NGLY1: variants seen among roughly 807,000 people sequenced by gnomAD.
The protein encoded by NGLY1 is N-glycanase 1, also known as peptide-N(4)-(N-acetyl-beta-glucosaminyl)asparagine amidase.
NGLY1 carries 68 observed loss-of-function variants against 84.6 expected under a neutral mutation model. The ratio of observed to expected loss-of-function variants is 0.80; its 90% CI spans 0.66 to 0.98. The LOEUF (loss-of-function observed/expected upper bound fraction) is 0.98. Ranked by LOEUF, NGLY1 falls within the 50% of genes least tolerant of loss-of-function variation. NGLY1 has a pLI of 0.00. For synonymous variants in NGLY1, 280 were observed against 275.2 expected, an observed-to-expected ratio of 1.02 and a Z score of -0.17; for missense variants, 779 against 770.2, an observed-to-expected ratio of 1.01 and a Z score of -0.14.
rs1575633667 is a variant in NGLY1, at chr3:25,750,022, T to C, written c.658+1076A>G. On this transcript the variant is annotated intron_variant, in intron 4 of 11. Coordinates refer to ENST00000280700, the MANE Select transcript of NGLY1 (RefSeq NM_018297.4). ...CCAGTTTGTTCTTATGCTGCTATGATGAAATACCTGCAACTGGGTAATTTA... is the reference window on the plus strand; with the variant it reads ...CCAGTTTGTTCTTATGCTGCTATGACGAAATACCTGCAACTGGGTAATTTA... The C allele has an allele frequency of 5.8e-5, 30 of 513,432 alleles. No individual in the cohort carries two copies. The East Asian group carries it at 1.0e-3, about 17-fold the overall frequency. The allele number at this position is 513,432 out of a possible 1,614,324, so 31.8% of individuals were successfully genotyped here.
At chr3:25,746,860 C>T (rs933798429) in intron 4 of NGLY1, among the ~76,000 whole-genome samples, 2 of 152,104 alleles carry the variant, frequency 1.3e-5, no homozygotes, top group Middle Eastern at 3.2e-3. Flanking sequence ...GACGGAGTTT[C>T]GCTCTTTTGC....
intron 3 of NGLY1, chr3:25,755,511 C>A (rs753269262): frequency 6.9e-7 from 1 of 1,454,994 alleles, no homozygotes; most frequent in South Asian, 1.1e-5. Flanking sequence ...ACCTGTCAAA[C>A]CAGTTCCTGC....
chr3:25,782,981 C>T (rs1708488410), intron 1 of NGLY1: 1 of 385,720 alleles, frequency 2.6e-6, no homozygotes, highest in Non-Finnish European at 4.7e-6. Context: ...CGCCCGGCCC[C>T]GCTTCCGGGA....
intron 5 of NGLY1, among the ~76,000 whole-genome samples, chr3:25,738,638 T>C (rs78889262): frequency 6.6e-6 from 1 of 152,186 alleles, no homozygotes; most frequent in Non-Finnish European, 1.5e-5. Context: ...TTTTTTTTTT[T>C]TGAGACAAAG....
chr3:25,769,388 A>T (rs1048749669), intron 2 of NGLY1, among the ~76,000 whole-genome samples: 1 of 152,174 alleles, frequency 6.6e-6, no homozygotes, highest in East Asian at 1.9e-4. Flanking sequence ...AATAAAAATG[A>T]GCAAAAGATC....
At chr3:25,737,510 TTTACA>T (rs1288506961) in intron 5 of NGLY1, 55 bp from the exon 6 acceptor site, 8 of 1,435,358 alleles carry the variant, frequency 5.6e-6, no homozygotes, top group Non-Finnish European at 7.6e-6. Flanking sequence ...TTTAAGAGAA[TTTACA>T]TTACCTCTAT....
At chr3:25,775,660 G>A (rs560198733) in intron 2 of NGLY1, among the ~76,000 whole-genome samples, 1 of 152,236 alleles carries the variant, frequency 6.6e-6, no homozygotes, top group South Asian at 2.1e-4. Context: ...AAAAAATAAA[G>A]AAGAGTGGAA....
intron 10 of NGLY1, among the ~76,000 whole-genome samples, chr3:25,725,304 G>A (rs1456036676): frequency 2.0e-5 from 3 of 152,204 alleles, no homozygotes; most frequent in Admixed American, 6.5e-5. Flanking sequence ...GGTTCCTGGA[G>A]GGTGGCACAC....
chr3:25,719,683 A>G, intron 11 of NGLY1, 48 bp from the exon 12 acceptor site: 1 of 1,474,264 alleles, frequency 6.8e-7, no homozygotes, highest in Non-Finnish European at 9.4e-7. Flanking sequence ...GGTAATTTAA[A>G]GAGCACAGAT....
chr3:25,753,724 A>C (rs1288316831), intron 3 of NGLY1, among the ~76,000 whole-genome samples: 1 of 152,176 alleles, frequency 6.6e-6, no homozygotes, highest in Non-Finnish European at 1.5e-5. Context: ...TTATAGAAAA[A>C]AAACTTCATC....
chr3:25,760,517 A>G (rs1707257745), intron 3 of NGLY1, among the ~76,000 whole-genome samples: 1 of 152,186 alleles, frequency 6.6e-6, no homozygotes, highest in African/African-American at 2.4e-5. Flanking sequence ...TTCATGAAAA[A>G]GAAAGTGGAT....
chr3:25,729,396 T>C (rs1705425980), intron 9 of NGLY1, 78 bp from the exon 10 acceptor site: 2 of 896,958 alleles, frequency 2.2e-6, no homozygotes, highest in Non-Finnish European at 1.5e-6. Context: ...CTAAGCAGAG[T>C]GGTAAGAGAA....
intron 10 of NGLY1, among the ~76,000 whole-genome samples, chr3:25,726,007 T>G (rs1210554463): frequency 6.6e-6 from 1 of 152,198 alleles, no homozygotes; most frequent in Non-Finnish European, 1.5e-5. Context: ...AGCACAATAT[T>G]TGACAATGTG....
chr3:25,720,091 G>T lies in NGLY1; in HGVS notation c.1712C>A (p.Thr571Lys), dbSNP rs763300543. ...TCCAGTCTGAAAAGTTTGACTACTT[G>T]TTCTAATAGAAATGCTATCTACTTT... Reference protein sequence around the residue: ...GLKVDSISIRTSSQTFQTGTV... With the variant: ...GLKVDSISIRKSSQTFQTGTV... Residue 571 changes from threonine to lysine, a missense_variant, in exon 11 of 12, where the codon ACA becomes AAA. Physicochemically the swap from Thr to Lys is moderately conservative, Grantham distance 78 (BLOSUM62 -1). Coordinates refer to ENST00000280700, the MANE Select transcript of NGLY1 (RefSeq NM_018297.4). 6.2e-7 allele frequency: 1 copy of T among 1,613,624 alleles called. No homozygotes were observed. The highest frequency in any genetic ancestry group is 8.5e-7 in the Non-Finnish European group (1 of 1,179,716).
At chr3:25,744,510 C>G (rs1706319941) in intron 4 of NGLY1, among the ~76,000 whole-genome samples, 1 of 152,192 alleles carries the variant, frequency 6.6e-6, no homozygotes, top group South Asian at 2.1e-4. Flanking sequence ...AGAAAATCAC[C>G]AACTTGGCCA....
At chr3:25,750,081 A>G in intron 4 of NGLY1, among the ~76,000 whole-genome samples, 1 of 152,198 alleles carries the variant, frequency 6.6e-6, no homozygotes, top group East Asian at 1.9e-4. Flanking sequence ...ACAGTTCCAC[A>G]TGGCTGGAGA....
chr3:25,780,094 A>G (rs1708339624), intron 1 of NGLY1, among the ~76,000 whole-genome samples: 1 of 152,246 alleles, frequency 6.6e-6, no homozygotes, highest in Admixed American at 6.5e-5. Context: ...ATTGGAAATT[A>G]AAACAAAAAC....
intron 3 of NGLY1, among the ~76,000 whole-genome samples, chr3:25,758,077 A>T (rs1385833341): frequency 6.6e-6 from 1 of 152,230 alleles, no homozygotes; most frequent in African/African-American, 2.4e-5. Flanking sequence ...CAATACTAAT[A>T]ATAAGAGCAC....
In NGLY1 at chr3:25,772,112, T is replaced by C. The variant is rs140253420; in HGVS notation, c.246+6462A>G. ...GGGCATCCTTGTCTTGTTCTGGTTC[T>C]TGGGGGAATGCTTTCTACTTTTCCC... is the stretch of plus-strand genomic sequence containing the variant. On this transcript the variant is annotated intron_variant, in intron 2 of 11. Transcript: ENST00000280700. Among the ~76,000 whole-genome samples the C allele has an allele frequency of 5.1e-3, 782 of 152,304 alleles. 37 individuals are homozygous for C. Among genetic ancestry groups the C allele is most frequent in the Admixed American group, 0.041 (622 of 15,302 alleles).
Sources: allele counts gnomAD v4.1 joint callset (sites outside exome capture counted in the v4.1 genomes callset), GRCh38; gene constraint gnomAD v4.1.1; transcripts MANE v1.5; gene names NCBI Gene and HGNC (gene_info 2026-07-23, HGNC 2026-07-21).